Variants in ABCA7 observed in about 807,000 individuals in gnomAD.
ABCA7 encodes the protein ATP binding cassette subfamily A member 7.
A neutral mutation model predicts 227.6 loss-of-function variants in ABCA7; 261 were observed. That is an observed-to-expected ratio of 1.15 (90% CI 1.04 to 1.27). The LOEUF (loss-of-function observed/expected upper bound fraction) is 1.27, where lower values mean the gene tolerates loss of function less well. ABCA7 is among the 50% of genes most tolerant of loss of function. ABCA7 has a pLI of 0.00. For synonymous variants in ABCA7, 1,488 were observed against 1,279.7 expected (o/e 1.16, Z -3.47); for missense variants, 3,331 against 2,924.5 (o/e 1.14, Z -3.21).
chr19:1,056,081 G>A lies in ABCA7; in HGVS notation c.4254G>A (p.Ser1418=), dbSNP rs148214655. 8.2e-6 allele frequency: 13 copies of A among 1,594,754 alleles called. No homozygotes were observed. Among genetic ancestry groups the A allele is most frequent in the South Asian group, 7.9e-5 (7 of 89,130 alleles). ...GGCCCCACAGATACGGAGGCTTCTC[G>A]CTGGGGGGCCGAGACCCAGGCCTGC... The part of the protein sequence containing the change: ...WVNEVRYGGF[S]LGGRDPGLPS... Residue 1418 remains serine, a synonymous_variant, in exon 32 of 47, where the codon TCG becomes TCA. Transcript: ENST00000263094. This position sits in a 1 kb window ranked among gnomAD's most constrained non-coding sequence, Gnocchi z 4.3.
chr19:1,061,273 T>G (rs896012196), intron 40 of ABCA7, among the ~76,000 whole-genome samples: 2 of 151,296 alleles, frequency 1.3e-5, no homozygotes, highest in Non-Finnish European at 2.9e-5. Flanking sequence ...GGCACACGCC[T>G]GTAGTCCCAG....
chr19:1,047,368 G>A lies in ABCA7; in HGVS notation c.2057G>A (p.Arg686His), dbSNP rs936425921. The change falls in exon 15 of 47, where the codon CGC (arginine) becomes CAC (histidine). Residue 686 changes from arginine (R) to histidine (H), a missense_variant. Arg to His is a conservative substitution (Grantham distance 29). Transcript: ENST00000263094. ...CGGGACCGGCTGCCCGCGGGTGGCCGCGTGGCCGCGGTGAGAGCCGGGTCG... is the reference window on the plus strand; with the variant it reads ...CGGGACCGGCTGCCCGCGGGTGGCCACGTGGCCGCGGTGAGAGCCGGGTCG... ...AWRDRLPAGG[R>H]VAASLLSPVA... 13 of 1,568,258 alleles carry A rather than the reference G, an allele frequency of 8.3e-6. No individual in the cohort carries two copies. Among genetic ancestry groups the A allele is most frequent in the Admixed American group, 1.9e-5 (1 of 53,996 alleles).
chr19:1,057,453 C>T, intron 35 of ABCA7, 24 bp downstream of exon 35: 3 of 1,592,186 alleles, frequency 1.9e-6, no homozygotes, highest in East Asian at 2.2e-5. Flanking sequence ...TCCCTCAGGG[C>T]CTATTCTTAC....
chr19:1,046,039 G>A (rs2040612627), intron 12 of ABCA7, among the ~76,000 whole-genome samples, 191 bp from the exon 13 acceptor site: 1 of 152,240 alleles, frequency 6.6e-6, no homozygotes, highest in Non-Finnish European at 1.5e-5. Flanking sequence ...AATTAGCCAG[G>A]CGACTTGGGA....
In ABCA7 at chr19:1,055,849, A is replaced by C. The variant is rs369250689; in HGVS notation, c.4206-58A>C. 5 of 1,487,536 alleles carry C rather than the reference A, an allele frequency of 3.4e-6. No individual in the cohort carries two copies. In the African/African-American group the frequency reaches 5.6e-5, roughly 17 times the overall value. 92.1% of individuals were successfully genotyped at this position (1,487,536 alleles called of 1,614,324 possible). On this transcript the variant is annotated intron_variant, in intron 30 of 46. Coordinates refer to ENST00000263094, the MANE Select transcript of ABCA7 (RefSeq NM_019112.4). ...CTTGACTCTGTGCTCCCCTCTCACCATCTCTCTCTCTGTCCCACATCCCTG... is the reference window on the plus strand; with the variant it reads ...CTTGACTCTGTGCTCCCCTCTCACCCTCTCTCTCTCTGTCCCACATCCCTG...
chr19:1,046,877 G>T lies in ABCA7; in HGVS notation c.1698G>T (p.Val566=). The T allele has an allele frequency of 6.5e-7, 1 of 1,546,760 alleles. No individual in the cohort carries two copies. The change falls in exon 14 of 47, where the codon GTG becomes GTT. Residue 566 remains valine, a synonymous_variant. Coordinates refer to ENST00000263094, the MANE Select transcript of ABCA7 (RefSeq NM_019112.4). ...GGATCTACTCCGTGACACTGACAGTGAAGGCCGTGGTGCGGGAGAAGGAGA... is the reference window on the plus strand; with the variant it reads ...GGATCTACTCCGTGACACTGACAGTTAAGGCCGTGGTGCGGGAGAAGGAGA... ...LAWIYSVTLT[V]KAVVREKETR...
In ABCA7 at chr19:1,063,748, C is replaced by T; in HGVS notation, c.5848-12C>T. 6.5e-7 allele frequency: 1 copy of T among 1,548,452 alleles called. No individual in the cohort carries two copies. Among genetic ancestry groups the T allele is most frequent in the Non-Finnish European group, 8.7e-7 (1 of 1,146,860 alleles). ...GCGGGGCCTTGCTTATGGGATCTTC[C>T]GTGCTCCCCAGGACGAGCCGACCAC... On this transcript the variant is annotated splice_polypyrimidine_tract_variant and intron_variant, in intron 43 of 46. Coordinates refer to ENST00000263094, the MANE Select transcript of ABCA7 (RefSeq NM_019112.4).
Position 1,052,283 on chromosome 19 carries a change from G to A in ABCA7, c.3217G>A (p.Val1073Ile). The A allele has an allele frequency of 6.5e-7, 1 of 1,538,890 alleles. No individual in the cohort carries two copies. The highest frequency in any genetic ancestry group is 8.7e-7 in the Non-Finnish European group (1 of 1,143,974). The change falls in exon 23 of 47, where the codon GTC (valine) becomes ATC (isoleucine). Residue 1073 changes from valine to isoleucine, a missense_variant. Physicochemically the swap from Val to Ile is conservative, Grantham distance 29 (BLOSUM62 3). Transcript: ENST00000263094. ...EKKNGSQGSR[V>I]GTPQLLALVQ... ...GAAGAATGGCAGCCAGGGCAGCAGA[G>A]TCGGTGAGGGCCGGGGTGGGAGACC... is the stretch of plus-strand genomic sequence containing the variant.
At position 1,065,495 on chromosome 19, in the gene ABCA7, CCTGGACTCAGG is replaced by C; in HGVS notation, c.*75_*85del. On this transcript the variant is annotated 3_prime_UTR_variant, in exon 47 of 47. Coordinates refer to ENST00000263094, the MANE Select transcript of ABCA7 (RefSeq NM_019112.4). Reference sequence around the variant, plus strand: ...AGGGCAAGGTAGAGTGCCTAGGAGCCCTGGACTCAGGCTGGCAGAGGGGCTGGTGCCCTGGA... The same window carrying C: ...AGGGCAAGGTAGAGTGCCTAGGAGCCCTGGCAGAGGGGCTGGTGCCCTGGA... The C allele has an allele frequency of 2.6e-6, 4 of 1,549,916 alleles. No individual in the cohort carries two copies. Among genetic ancestry groups the C allele is most frequent in the Non-Finnish European group, 2.6e-6 (3 of 1,138,512 alleles).
chr19:1,062,250 G>A lies in ABCA7; in HGVS notation c.5649G>A (p.Thr1883=), dbSNP rs200581085. The A allele has an allele frequency of 3.4e-5, 54 of 1,611,656 alleles. No individual in the cohort carries two copies. The highest frequency in any genetic ancestry group is 4.2e-6 in the Non-Finnish European group (5 of 1,179,796). Residue 1883 remains threonine, a synonymous_variant, in exon 42 of 47, where the codon ACG becomes ACA. Transcript: ENST00000263094. The part of the protein sequence containing the change: ...PQSDAIFELL[T]GREHLELLAR... ...CCGATGCCATCTTTGAGCTGCTGAC[G>A]GGCCGCGAGCACCTGGAGCTGCTTG...
In ABCA7 at chr19:1,057,093, GC is replaced by G; in HGVS notation, c.4764+10del. 6.2e-7 allele frequency: 1 copy of G among 1,608,324 alleles called. No individual in the cohort carries two copies. Among genetic ancestry groups the G allele is most frequent in the Non-Finnish European group, 8.5e-7 (1 of 1,177,316 alleles). ...ACTTTCTCTGGGACATGGTGCGGGGGCTGCTTGGACGGGTGGGGGCCCAGCC... is the reference window on the plus strand; with the variant it reads ...ACTTTCTCTGGGACATGGTGCGGGGGTGCTTGGACGGGTGGGGGCCCAGCC... On this transcript the variant is annotated intron_variant, in intron 34 of 46. Coordinates refer to ENST00000263094, the MANE Select transcript of ABCA7 (RefSeq NM_019112.4).
chr19:1,043,545 G>T (rs2144691019), intron 9 of ABCA7, 72 bp downstream of exon 9: 2 of 1,608,264 alleles, frequency 1.2e-6, no homozygotes, highest in Non-Finnish European at 1.7e-6. Context: ...GTCCAGGTGG[G>T]CCAGGGCCAG....
chr19:1,058,481 C>A, intron 37 of ABCA7, 137 bp from the exon 38 acceptor site: 1 of 1,455,526 alleles, frequency 6.9e-7, no homozygotes, highest in Non-Finnish European at 9.2e-7. Flanking sequence ...CTTCTGTTTT[C>A]TATGCCAATT....
intron 24 of ABCA7, 110 bp downstream of exon 24, chr19:1,053,641 G>T: frequency 6.6e-7 from 1 of 1,513,104 alleles, no homozygotes; most frequent in East Asian, 2.3e-5. Flanking sequence ...CATTCAGGGA[G>T]GAGGCATGGC....
At position 1,047,636 on chromosome 19, in the gene ABCA7, C is replaced by T. The variant is rs1467412506; in HGVS notation, c.2251C>T (p.Leu751=). The T allele has an allele frequency of 6.3e-7, 1 of 1,597,862 alleles. No individual in the cohort carries two copies. The highest frequency in any genetic ancestry group is 1.3e-5 in the African/African-American group (1 of 74,934). Residue 751 remains leucine (L), a synonymous_variant, in exon 16 of 47, where the codon CTG becomes TTG. Transcript: ENST00000263094. Reference sequence around the variant, plus strand: ...GCTCTACGGCCTCGCCACCTGGTACCTGGAAGCTGTGTGCCCAGGTGGGCC... The same window carrying T: ...GCTCTACGGCCTCGCCACCTGGTACTTGGAAGCTGTGTGCCCAGGTGGGCC... ...AALYGLATWY[L]EAVCPGQYGI...
rs1352479220 is a variant in ABCA7, at chr19:1,055,292, G to C, written c.4146G>C (p.Leu1382=). ...GCTCTGGGGAAGTGGTTCAGAACCT[G>C]ACAGGCCGGAACCTGTCTGACTTCC... The part of the protein sequence containing the change: ...VTGSGEVVQN[L]TGRNLSDFLV... The change falls in exon 30 of 47, where the codon CTG becomes CTC. Residue 1382 remains leucine (L), a synonymous_variant. Transcript: ENST00000263094. The C allele has an allele frequency of 6.2e-7, 1 of 1,604,796 alleles. No individual in the cohort carries two copies. Among genetic ancestry groups the C allele is most frequent in the African/African-American group, 1.3e-5 (1 of 74,818 alleles).
At chr19:1,064,810 A>G (rs2042934380) in intron 45 of ABCA7, 121 bp from the exon 46 acceptor site, 1 of 1,401,630 alleles carries the variant, frequency 7.1e-7, no homozygotes. Context: ...CGGGAGGACC[A>G]CTTGATCGCT....
At position 1,065,066 on chromosome 19, in the gene ABCA7, G is replaced by A; in HGVS notation, c.6180G>A (p.Pro2060=). ...GAGGCCGCCTGCGCTTCCAGCTGCC[G>A]CCGGGAGGGCGCTGCGCCCTGGCGC... ...AHGGRLRFQL[P]PGGRCALARV... Residue 2060 remains proline (P), a synonymous_variant, in exon 46 of 47, where the codon CCG becomes CCA. Coordinates refer to ENST00000263094, the MANE Select transcript of ABCA7 (RefSeq NM_019112.4). The A allele has an allele frequency of 6.4e-7, 1 of 1,563,686 alleles. No homozygotes were observed. Among genetic ancestry groups the A allele is most frequent in the Non-Finnish European group, 8.7e-7 (1 of 1,155,834 alleles).
intron 18 of ABCA7, among the ~76,000 whole-genome samples, 186 bp from the exon 19 acceptor site, chr19:1,050,735 G>A (rs533573423): frequency 3.3e-5 from 5 of 150,624 alleles, no homozygotes; most frequent in Non-Finnish European, 7.4e-5. Context: ...AGCCGAGATC[G>A]TGCCGCTGCA....
Sources: gnomAD v4.1 joint callset for allele counts (sites outside exome capture counted in the v4.1 genomes callset) on GRCh38, gnomAD v4.1.1 for gene constraint, Gnocchi (gnomAD v3.1) non-coding constraint, MANE v1.5 for transcripts, NCBI Gene and HGNC (gene_info 2026-07-23, HGNC 2026-07-21) for gene names.